The following SMC5 variants were observed in gnomAD, a reference collection of about 807,000 sequenced individuals.
The protein encoded by SMC5 is structural maintenance of chromosomes 5, also known as structural maintenance of chromosomes protein 5.
In SMC5, 88 loss-of-function variants were observed where a neutral mutation model predicts 148.3. That is an observed-to-expected ratio of 0.59 (90% CI 0.50 to 0.71). SMC5 has a LOEUF of 0.71. SMC5 is among the 30% of genes least tolerant of loss of function. The pLI is 0.00. For synonymous variants in SMC5, 421 were observed against 432.8 expected (o/e 0.97, Z 0.34); for missense variants, 1,142 against 1,298.9 (o/e 0.88, Z 1.86).
intron 9 of SMC5, among the ~76,000 whole-genome samples, chr9:70,299,469 A>G (rs111470662): frequency 1.8e-4 from 27 of 151,900 alleles, no homozygotes; most frequent in African/African-American, 6.5e-4. Context: ...GGCCTCCTGC[A>G]TGGTTATCAT....
chr9:70,305,024 A>G (rs1057461462), intron 10 of SMC5, among the ~76,000 whole-genome samples: 4 of 152,200 alleles, frequency 2.6e-5, no homozygotes, highest in Non-Finnish European at 5.9e-5. Context: ...CAAAATCAAT[A>G]TGCACTGTTC....
At chr9:70,282,348 C>A in intron 6 of SMC5, 74 bp from the exon 7 acceptor site, 2 of 1,409,804 alleles carry the variant, frequency 1.4e-6, no homozygotes, top group Non-Finnish European at 1.9e-6. Context: ...TGGTTTCTGC[C>A]TGTATCTTGA....
chr9:70,288,419 G>A (rs778122165), intron 8 of SMC5, among the ~76,000 whole-genome samples: 1 of 151,814 alleles, frequency 6.6e-6, no homozygotes, highest in Non-Finnish European at 1.5e-5. Context: ...TTGTCACTTT[G>A]TAAGTCTTTT....
chr9:70,277,718 A>G (rs2118125839), intron 4 of SMC5, among the ~76,000 whole-genome samples: 1 of 152,230 alleles, frequency 6.6e-6, no homozygotes, highest in East Asian at 1.9e-4. Flanking sequence ...TGAAGTTCAG[A>G]GAGTGGCTCA....
chr9:70,279,424 T>C (rs2034684822), intron 5 of SMC5, among the ~76,000 whole-genome samples: 1 of 151,880 alleles, frequency 6.6e-6, no homozygotes, highest in African/African-American at 2.4e-5. Flanking sequence ...GATGCTAAGG[T>C]GGGAGGATTG....
intron 17 of SMC5, among the ~76,000 whole-genome samples, chr9:70,332,523 C>CA (rs57524323): frequency 0.074 from 7,737 of 104,024 alleles, 362 homozygotes; most frequent in East Asian, 0.22. Flanking sequence ...GACCCTGTCT[C>CA]AAAAAAAAAA....
chr9:70,307,054 C>T lies in SMC5; in HGVS notation c.1578+1694C>T, dbSNP rs1228373028. 2.6e-5 allele frequency among the ~76,000 whole-genome samples: 4 copies of T among 152,218 alleles called. No homozygotes were observed. In the South Asian group the frequency reaches 6.2e-4, roughly 24 times the overall value. On this transcript the variant is annotated intron_variant, in intron 11 of 24. Coordinates refer to ENST00000361138, the MANE Select transcript of SMC5 (RefSeq NM_015110.4). ...CTTTCAATCACCTCACTTTTTGTTA[C>T]TCAAACAAAATCTTCTAAAAGGAAA...
At chr9:70,262,369 T>C (rs936347702) in intron 1 of SMC5, among the ~76,000 whole-genome samples, 2 of 152,220 alleles carry the variant, frequency 1.3e-5, no homozygotes, top group Admixed American at 6.5e-5. Context: ...GGGTTTTTCC[T>C]TAATTTTTCT....
At chr9:70,324,906 A>G (rs1174485521) in intron 17 of SMC5, among the ~76,000 whole-genome samples, 1 of 152,140 alleles carries the variant, frequency 6.6e-6, no homozygotes, top group Non-Finnish European at 1.5e-5. Flanking sequence ...TAAACTCAAA[A>G]GTTTCTTTAC....
At chr9:70,350,092 T>C in intron 22 of SMC5, 22 bp from the exon 23 acceptor site, 1 of 1,538,090 alleles carries the variant, frequency 6.5e-7, no homozygotes. Flanking sequence ...TCATTTTTCA[T>C]CACTTTTTAA....
intron 11 of SMC5, among the ~76,000 whole-genome samples, chr9:70,313,204 T>C (rs1312457760): frequency 6.6e-6 from 1 of 152,176 alleles, no homozygotes; most frequent in African/African-American, 2.4e-5. Flanking sequence ...CTTTTTAATG[T>C]TTTGGGATCT....
intron 10 of SMC5, 101 bp downstream of exon 10, chr9:70,300,301 T>G: frequency 9.1e-7 from 1 of 1,100,372 alleles, no homozygotes; most frequent in Non-Finnish European, 1.3e-6. Flanking sequence ...GGTTTTACAT[T>G]ATCAGACTTG....
intron 5 of SMC5, 106 bp from the exon 6 acceptor site, chr9:70,280,653 A>G: frequency 9.6e-7 from 1 of 1,045,000 alleles, no homozygotes; most frequent in Non-Finnish European, 1.4e-6. Context: ...ACTCCTGTGA[A>G]TTCTTTATTG....
intron 15 of SMC5, among the ~76,000 whole-genome samples, chr9:70,321,885 A>G (rs1190495136): frequency 6.6e-6 from 1 of 151,254 alleles, no homozygotes; most frequent in Admixed American, 6.6e-5. Context: ...TCCTACCATA[A>G]CACAGCCCAC....
chr9:70,269,581 C>CA (rs61344270), intron 3 of SMC5, among the ~76,000 whole-genome samples: 4 of 149,880 alleles, frequency 2.7e-5, no homozygotes, highest in African/African-American at 2.5e-5. Context: ...ACTCTGTCTG[C>CA]AAAAAAAACA....
chr9:70,346,553 T>C, intron 18 of SMC5, 52 bp from the exon 19 acceptor site: 2 of 1,583,904 alleles, frequency 1.3e-6, no homozygotes, highest in Non-Finnish European at 8.7e-7. Flanking sequence ...AGTTCTAACT[T>C]CTTGCTCTCT....
In SMC5 at chr9:70,303,918, A is replaced by G. The variant is rs1018322436; in HGVS notation, c.1465-1329A>G. 7.9e-5 allele frequency among the ~76,000 whole-genome samples: 12 copies of G among 152,232 alleles called. No homozygotes were observed. The South Asian group carries it at 2.3e-3, about 29-fold the overall frequency. On this transcript the variant is annotated intron_variant, in intron 10 of 24. Coordinates refer to ENST00000361138, the MANE Select transcript of SMC5 (RefSeq NM_015110.4). ...TAAAATTCCCTAGATAGTACTTTTT[A>G]TATTTATACGCTTCTCTTAATGGGA...
chr9:70,259,310 A>G (rs1371766781), intron 1 of SMC5, 47 bp downstream of exon 1: 4 of 1,507,074 alleles, frequency 2.7e-6, no homozygotes, highest in Non-Finnish European at 3.6e-6. Flanking sequence ...TGTGCTGGCC[A>G]GCAGGCCCCG....
chr9:70,338,836 A>G (rs79476260), intron 17 of SMC5, among the ~76,000 whole-genome samples: 203 of 152,178 alleles, frequency 1.3e-3, no homozygotes, highest in African/African-American at 4.7e-3. Flanking sequence ...AATATTTTAC[A>G]CCACTCTGTT....
Sources: gnomAD v4.1 joint callset for allele counts (sites outside exome capture counted in the v4.1 genomes callset) on GRCh38, gnomAD v4.1.1 for gene constraint, MANE v1.5 for transcripts, NCBI Gene and HGNC (gene_info 2026-07-23, HGNC 2026-07-21) for gene names.